Variants in PRTG observed in about 807,000 individuals in gnomAD.
PRTG encodes the protein immunoglobulin superfamily, DCC subclass, member 5.
PRTG carries 67 observed loss-of-function variants against 122.5 expected under a neutral mutation model. That is an observed-to-expected ratio of 0.55 (90% confidence interval 0.45 to 0.67). The LOEUF is 0.67. Ranked by LOEUF, PRTG falls within the 30% of genes least tolerant of loss-of-function variation. PRTG has a pLI of 0.00. For synonymous variants in PRTG, 554 were observed against 501.1 expected (o/e 1.11, Z -1.41); for missense variants, 1,435 against 1,415.4 (o/e 1.01, Z -0.22).
At chr15:55,714,199 T>TTG (rs1467427996) in intron 2 of PRTG, among the ~76,000 whole-genome samples, 1 of 95,354 alleles carries the variant, frequency 1.0e-5, no homozygotes, top group Non-Finnish European at 2.3e-5. Flanking sequence ...TTCTATCTAT[T>TTG]TATCTGTCTC....
intron 3 of PRTG, 47 bp from the exon 4 acceptor site, chr15:55,682,544 T>TTTTTTTTATTTATTTATTTATTTA (rs375857024): frequency 5.8e-5 from 28 of 479,300 alleles, no homozygotes; most frequent in African/African-American, 5.6e-4. Flanking sequence ...AGATTTCATA[T>TTTTTTTTATTTATTTATTTATTTA]TTTATTTATT....
intron 15 of PRTG, among the ~76,000 whole-genome samples, chr15:55,634,439 TTTA>T: frequency 6.6e-6 from 1 of 152,348 alleles, no homozygotes; most frequent in African/African-American, 2.4e-5. Flanking sequence ...ATCAAAATTC[TTTA>T]TTAATACTTA....
intron 2 of PRTG, chr15:55,703,068 G>T (rs967239016): frequency 3.9e-6 from 1 of 256,322 alleles, no homozygotes; most frequent in Admixed American, 6.5e-5. Flanking sequence ...TCTGTTCCTA[G>T]GAATCTCAAG....
At chr15:55,650,267 C>G (rs1161225620) in intron 11 of PRTG, among the ~76,000 whole-genome samples, 1 of 152,004 alleles carries the variant, frequency 6.6e-6, no homozygotes, top group Non-Finnish European at 1.5e-5. Context: ...ATATAAGTAC[C>G]ATCTAAGATA....
chr15:55,731,127 TTTTA>T (rs746461216), intron 2 of PRTG, among the ~76,000 whole-genome samples: 4 of 151,592 alleles, frequency 2.6e-5, no homozygotes, highest in African/African-American at 7.2e-5. Context: ...TTTGTCTCTC[TTTTA>T]TTTATTTATT....
At chr15:55,675,850 C>A (rs1249459947) in intron 8 of PRTG, among the ~76,000 whole-genome samples, 167 bp from the exon 9 acceptor site, 1 of 152,072 alleles carries the variant, frequency 6.6e-6, no homozygotes, top group East Asian at 1.9e-4. Context: ...CTAAAAGTAA[C>A]CATATTTCAC....
At chr15:55,620,801 C>T (rs764930275) in intron 18 of PRTG, 34 bp from the exon 19 acceptor site, 1 of 1,524,770 alleles carries the variant, frequency 6.6e-7, no homozygotes, top group Admixed American at 2.1e-5. Context: ...TGTAAAATAT[C>T]CTGGTATCAC....
chr15:55,683,874 G>T lies in PRTG; in HGVS notation c.455C>A (p.Ala152Asp). 6.2e-7 allele frequency: 1 copy of T among 1,613,816 alleles called. No individual in the cohort carries two copies. The highest frequency in any genetic ancestry group is 8.5e-7 in the Non-Finnish European group (1 of 1,179,772). The change falls in exon 3 of 20, where the codon GCT (alanine) becomes GAT (aspartate). Residue 152 changes from alanine (A) to aspartate (D), a missense_variant. Transcript: ENST00000389286. The stretch of plus-strand genomic sequence containing the variant: ...GGATGAAATCTTGCATGCAAATCGA[G>T]CAACTCCACCTTCGTGGACCTCAGT... ...ISTEVHEGGV[A>D]RFACKISSHP...
intron 11 of PRTG, chr15:55,656,276 G>C (rs2059379365): frequency 6.7e-6 from 3 of 447,202 alleles, no homozygotes; most frequent in Non-Finnish European, 1.3e-5. Flanking sequence ...CTTCTCCAAG[G>C]ATGGCATTTC....
chr15:55,709,138 T>A (rs1213098226), intron 2 of PRTG, among the ~76,000 whole-genome samples: 1 of 90,008 alleles, frequency 1.1e-5, no homozygotes, highest in Admixed American at 1.7e-4. Context: ...AGGGTGGGAC[T>A]CTGTCTCAAA....
intron 2 of PRTG, among the ~76,000 whole-genome samples, chr15:55,689,544 G>A (rs1482595903): frequency 6.6e-6 from 1 of 151,514 alleles, no homozygotes; most frequent in Non-Finnish European, 1.5e-5. Flanking sequence ...TAAATTATGA[G>A]TTGATGGGTG....
chr15:55,742,669 C>T (rs1215507440), intron 1 of PRTG, 169 bp downstream of exon 1: 3 of 754,078 alleles, frequency 4.0e-6, no homozygotes, highest in African/African-American at 3.7e-5. Context: ...GTGTCTGCAG[C>T]TGGCGGTTCC....
rs2059121636 is a variant in PRTG at position 55,611,821 on chromosome 15, C to T, written c.*8191G>A. 1 of 151,964 alleles carries T rather than the reference C, an allele frequency of 6.6e-6. No homozygotes were observed. Among genetic ancestry groups the T allele is most frequent in the Non-Finnish European group, 1.5e-5 (1 of 67,938 alleles). 9.4% of individuals were successfully genotyped at this position (151,964 alleles called of 1,614,324 possible). A position where few individuals can be genotyped will look rare whatever the true frequency, so the allele number is the denominator to read the frequency against. ...AAGGCAAACATTTGCTTTCTTCGTGCAATGGCATTCACAGAACTGATCCCC... is the reference window on the plus strand; with the variant it reads ...AAGGCAAACATTTGCTTTCTTCGTGTAATGGCATTCACAGAACTGATCCCC... On this transcript the variant is annotated 3_prime_UTR_variant, in exon 20 of 20. Coordinates refer to ENST00000389286, the MANE Select transcript of PRTG (RefSeq NM_173814.6).
chr15:55,639,441 C>T lies in PRTG; in HGVS notation c.2324+201G>A, dbSNP rs537298286. 2.0e-5 allele frequency among the ~76,000 whole-genome samples: 3 copies of T among 152,238 alleles called. No individual in the cohort carries two copies. The East Asian group carries it at 5.8e-4, about 29-fold the overall frequency. ...GCAAGGAAAATTTAAAAATCACTTA[C>T]ATAAATTAAATGTCAAAAAGTATGG... is the stretch of plus-strand genomic sequence containing the variant. On this transcript the variant is annotated intron_variant, in intron 13 of 19. Coordinates refer to ENST00000389286, the MANE Select transcript of PRTG (RefSeq NM_173814.6).
intron 2 of PRTG, among the ~76,000 whole-genome samples, chr15:55,695,087 C>CCTGT (rs1334291378): frequency 6.6e-6 from 1 of 152,136 alleles, no homozygotes; most frequent in Admixed American, 6.5e-5. Flanking sequence ...CTCCTCTTCA[C>CCTGT]CTGTCTATTT....
At chr15:55,677,356 G>T (rs2059508448) in intron 8 of PRTG, among the ~76,000 whole-genome samples, 1 of 151,758 alleles carries the variant, frequency 6.6e-6, no homozygotes. Flanking sequence ...AAAAATATGG[G>T]GAATTTGACA....
chr15:55,705,588 C>T (rs1467161309), intron 2 of PRTG, among the ~76,000 whole-genome samples: 2 of 150,128 alleles, frequency 1.3e-5, no homozygotes, highest in African/African-American at 2.4e-5. Flanking sequence ...TGAGTAGCTG[C>T]GATTACAGGT....
rs2059123183 is a variant in PRTG at position 55,612,178 on chromosome 15, T to A, written c.*7834A>T. 6.6e-6 allele frequency: 1 copy of A among 152,130 alleles called. No individual in the cohort carries two copies. Among genetic ancestry groups the A allele is most frequent in the Non-Finnish European group, 1.5e-5 (1 of 67,968 alleles). The allele number at this position is 152,130 out of a possible 1,614,324, so 9.4% of individuals were successfully genotyped here. A position where few individuals can be genotyped will look rare whatever the true frequency, so the allele number is the denominator to read the frequency against. ...CCTATTAACAGGCTCAAGTTGCTAATCATCAGTAATAATTTTCATTTGCAA... is the reference window on the plus strand; with the variant it reads ...CCTATTAACAGGCTCAAGTTGCTAAACATCAGTAATAATTTTCATTTGCAA... On this transcript the variant is annotated 3_prime_UTR_variant, in exon 20 of 20. Coordinates refer to ENST00000389286, the MANE Select transcript of PRTG (RefSeq NM_173814.6).
At position 55,612,694 on chromosome 15, in the gene PRTG, G is replaced by A. The variant is rs1567067755; in HGVS notation, c.*7318C>T. The A allele has an allele frequency of 1.1e-5, 1 of 94,286 alleles. No homozygotes were observed. The highest frequency in any genetic ancestry group is 3.0e-4 in the East Asian group (1 of 3,332). The allele number at this position is 94,286 out of a possible 1,614,324, so 5.8% of individuals were successfully genotyped here. ...TGATTCTCTCTTTAACTCTTTAAAA[G>A]CCAATATATATATATATATATATAT... On this transcript the variant is annotated 3_prime_UTR_variant, in exon 20 of 20. Coordinates refer to ENST00000389286, the MANE Select transcript of PRTG (RefSeq NM_173814.6).
Sources: gnomAD v4.1 joint callset for allele counts (sites outside exome capture counted in the v4.1 genomes callset) on GRCh38, gnomAD v4.1.1 for gene constraint, MANE v1.5 for transcripts, NCBI Gene and HGNC (gene_info 2026-07-23, HGNC 2026-07-21) for gene names.